The following SAMD5 variants were observed in gnomAD, a reference collection of about 807,000 sequenced individuals.
SAMD5 encodes the protein sterile alpha motif domain-containing protein 5.
Under a neutral mutation model 11.3 loss-of-function variants are expected in SAMD5, and 13 were observed. The ratio of observed to expected loss-of-function variants is 1.15; its 90% confidence interval spans 0.75 to 1.83. The LOEUF (loss-of-function observed/expected upper bound fraction) is 1.83. SAMD5 is among the 40% of genes most tolerant of loss of function. The probability of loss-of-function intolerance (pLI) is 0.00; values close to 1 mark genes in which losing one functional copy is unlikely to be tolerated. For synonymous variants in SAMD5, 129 were observed against 111.3 expected (o/e 1.16, Z -1.00); for missense variants, 255 against 239.1 (o/e 1.07, Z -0.44).
chr6:147,708,386 T>C (rs1351708825), intron 1 of SAMD5, among the ~76,000 whole-genome samples: 2 of 152,210 alleles, frequency 1.3e-5, no homozygotes, highest in African/African-American at 4.8e-5. Context: ...TTCCAGCCTC[T>C]CCTTTCACTA....
chr6:147,575,263 G>A (rs1378066446), intron 1 of SAMD5, among the ~76,000 whole-genome samples: 1 of 152,220 alleles, frequency 6.6e-6, no homozygotes, highest in African/African-American at 2.4e-5. Flanking sequence ...GCACTTCAGA[G>A]AGCCCCTCTG....
At chr6:147,611,717 T>C (rs1475037738) in intron 1 of SAMD5, among the ~76,000 whole-genome samples, 2 of 152,168 alleles carry the variant, frequency 1.3e-5, no homozygotes, top group African/African-American at 4.8e-5. Flanking sequence ...GCTTTGCTGC[T>C]GGTAAAATTC....
intron 1 of SAMD5, among the ~76,000 whole-genome samples, chr6:147,628,134 G>A (rs1790086274): frequency 1.3e-5 from 2 of 152,150 alleles, no homozygotes; most frequent in South Asian, 2.1e-4. Flanking sequence ...CCCTAATGTT[G>A]ATGAAGTTTC....
At chr6:147,799,686 C>T in the SAMD5 span, among the ~76,000 whole-genome samples, 3 of 151,088 alleles carry the variant, frequency 2.0e-5, no homozygotes, top group Non-Finnish European at 4.4e-5. Context: ...TTCCATTCTC[C>T]CCATCACTTT....
chr6:147,915,297 T>G, the SAMD5 span, among the ~76,000 whole-genome samples: 2 of 152,218 alleles, frequency 1.3e-5, no homozygotes, highest in Admixed American at 1.3e-4. Context: ...ATACATAATT[T>G]CTGTATTTAT....
the SAMD5 span, among the ~76,000 whole-genome samples, chr6:147,838,720 A>G: frequency 6.6e-6 from 1 of 152,162 alleles, no homozygotes; most frequent in Non-Finnish European, 1.5e-5. Flanking sequence ...TGACAGATAA[A>G]TGAGATTTAT....
chr6:147,611,407 A>G (rs530180910), intron 1 of SAMD5, among the ~76,000 whole-genome samples: 4 of 152,096 alleles, frequency 2.6e-5, no homozygotes, highest in African/African-American at 9.6e-5. Flanking sequence ...TACTAAAAAT[A>G]GAAAAATTAG....
the SAMD5 span, among the ~76,000 whole-genome samples, chr6:147,951,778 C>T: frequency 1.3e-5 from 2 of 152,186 alleles, no homozygotes; most frequent in African/African-American, 4.8e-5. Flanking sequence ...AAAGTGATTT[C>T]GGCAAAGCAG....
chr6:147,621,280 G>A (rs1281996836), intron 1 of SAMD5, among the ~76,000 whole-genome samples: 1 of 152,194 alleles, frequency 6.6e-6, no homozygotes, highest in East Asian at 1.9e-4. Context: ...AAATAAAACA[G>A]TGACAGTGAG....
the SAMD5 span, among the ~76,000 whole-genome samples, chr6:147,930,836 G>A: frequency 1.3e-5 from 2 of 152,204 alleles, no homozygotes; most frequent in African/African-American, 4.8e-5. Flanking sequence ...AAAGCTGAAT[G>A]TCCTCCTTCT....
At position 147,567,307 on chromosome 6, in the gene SAMD5, A is replaced by C; in HGVS notation, c.*2851A>C. ...ACTGGGAGCATACGAGCAATTTCTC[A>C]GTTCAGAGATATTTATAGCATCTTG... On this transcript the variant is annotated 3_prime_UTR_variant, in exon 2 of 2. Coordinates refer to ENST00000367474, the MANE Select transcript of SAMD5 (RefSeq NM_001030060.3). 1.0e-6 allele frequency: 1 copy of C among 984,964 alleles called. No homozygotes were observed. The highest frequency in any genetic ancestry group is 1.2e-6 in the Non-Finnish European group (1 of 829,480). The allele number at this position is 984,964 out of a possible 1,614,324, so 61.0% of individuals were successfully genotyped here.
chr6:147,896,762 A>T, the SAMD5 span, among the ~76,000 whole-genome samples: 1 of 150,968 alleles, frequency 6.6e-6, no homozygotes, highest in Non-Finnish European at 1.5e-5. Flanking sequence ...AAAAAAAAAA[A>T]ACGCATCACC....
At chr6:147,626,791 G>GAAAAAAAAAAAAAAAAAAAAAAAAAAAAA (rs529975933) in intron 1 of SAMD5, among the ~76,000 whole-genome samples, 6 of 54,718 alleles carry the variant, frequency 1.1e-4, no homozygotes, top group Non-Finnish European at 1.5e-4. Context: ...CTGTTTCTAT[G>GAAAAAAAAAAAAAAAAAAAAAAAAAAAAA]AAAAAAAAAA....
intron 1 of SAMD5, among the ~76,000 whole-genome samples, chr6:147,647,562 A>C (rs1790424214): frequency 1.3e-5 from 2 of 152,136 alleles, no homozygotes; most frequent in African/African-American, 4.8e-5. Context: ...CTTAGGCTGG[A>C]TAGATGATTA....
chr6:147,866,543 T>C, the SAMD5 span, among the ~76,000 whole-genome samples: 1 of 152,164 alleles, frequency 6.6e-6, no homozygotes, highest in Non-Finnish European at 1.5e-5. Context: ...AAGATTATCA[T>C]TGGTTGATGG....
chr6:147,539,733 A>G (rs1788569753), intron 1 of SAMD5, among the ~76,000 whole-genome samples: 2 of 152,116 alleles, frequency 1.3e-5, no homozygotes, highest in Non-Finnish European at 2.9e-5. Context: ...AAATAATTCA[A>G]TTGACTGAGA....
intron 1 of SAMD5, among the ~76,000 whole-genome samples, chr6:147,545,955 C>A (rs993254092): frequency 6.6e-6 from 1 of 152,116 alleles, no homozygotes; most frequent in African/African-American, 2.4e-5. Context: ...AAAGAGACTG[C>A]ATATAAAGCT....
chr6:147,761,277 C>T, the SAMD5 span, among the ~76,000 whole-genome samples: 2 of 151,986 alleles, frequency 1.3e-5, no homozygotes, highest in African/African-American at 4.8e-5. Flanking sequence ...TACTATTGAA[C>T]GTTTTGTTAA....
At chr6:147,846,296 T>A in the SAMD5 span, among the ~76,000 whole-genome samples, 1 of 152,200 alleles carries the variant, frequency 6.6e-6, no homozygotes, top group Non-Finnish European at 1.5e-5. Flanking sequence ...GTGTCTTGAC[T>A]GTAGTAGTCA....
Sources: allele counts gnomAD v4.1 joint callset (sites outside exome capture counted in the v4.1 genomes callset), GRCh38; gene constraint gnomAD v4.1.1; transcripts MANE v1.5; gene names NCBI Gene and HGNC (gene_info 2026-07-23, HGNC 2026-07-21).